ZMYND11: variants seen among roughly 807,000 people sequenced by gnomAD.
ZMYND11 encodes zinc finger MYND domain-containing protein 11.
In ZMYND11, 9 loss-of-function variants were observed where a neutral mutation model predicts 84.9. That is an observed-to-expected ratio of 0.11 (90% CI 0.06 to 0.18). The LOEUF is 0.18. Among genes scored for constraint, ZMYND11 ranks in the 10% least tolerant of loss-of-function variants. The pLI is 1.00. For missense variants in ZMYND11, 409 were observed against 761.0 expected (o/e 0.54, Z 5.44); for synonymous variants, 250 against 244.1 (o/e 1.02, Z -0.23).
At chr10:137,115 C>G (rs1241075473) in intron 1 of ZMYND11, among the ~76,000 whole-genome samples, 1 of 152,118 alleles carries the variant, frequency 6.6e-6, no homozygotes, top group African/African-American at 2.4e-5. Context: ...CATGCATGCA[C>G]TATCCTTGTC....
intron 4 of ZMYND11, among the ~76,000 whole-genome samples, chr10:236,328 G>C (rs988695526): frequency 1.3e-5 from 2 of 152,234 alleles, no homozygotes; most frequent in African/African-American, 4.8e-5. Flanking sequence ...AAGAGTTGGA[G>C]TTATTACTGA....
chr10:202,590 G>T (rs1241038240), intron 2 of ZMYND11, among the ~76,000 whole-genome samples: 1 of 151,992 alleles, frequency 6.6e-6, no homozygotes, highest in Non-Finnish European at 1.5e-5. Context: ...ATCAGTATAG[G>T]AGGAAGCACT....
intron 2 of ZMYND11, among the ~76,000 whole-genome samples, chr10:189,197 A>G (rs1273474987): frequency 6.6e-6 from 1 of 152,234 alleles, no homozygotes; most frequent in African/African-American, 2.4e-5. Flanking sequence ...TCCTGTCGCT[A>G]CAGATATACA....
intron 6 of ZMYND11, among the ~76,000 whole-genome samples, chr10:238,921 C>G (rs7905732): frequency 0.93 from 141,132 of 152,246 alleles, 65,799 homozygotes; most frequent in Non-Finnish European, 0.98. Flanking sequence ...TTGTCACAGA[C>G]AGGGACACCT....
In ZMYND11 at chr10:228,143, G is replaced by C. The variant is rs529473987; in HGVS notation, c.438+6787G>C. On this transcript the variant is annotated intron_variant, in intron 4 of 14. Transcript: ENST00000381604. Reference sequence around the variant, plus strand: ...TAAAGCCAGAGGATTTTAAAAATTGGATCTACAATATAAAACTATAAAATC... The same window carrying C: ...TAAAGCCAGAGGATTTTAAAAATTGCATCTACAATATAAAACTATAAAATC... 5.3e-5 allele frequency among the ~76,000 whole-genome samples: 8 copies of C among 152,150 alleles called. No individual in the cohort carries two copies. The East Asian group carries it at 1.5e-3, about 29-fold the overall frequency.
At chr10:219,525 C>G (rs1946760067) in intron 3 of ZMYND11, among the ~76,000 whole-genome samples, 1 of 152,086 alleles carries the variant, frequency 6.6e-6, no homozygotes, top group Non-Finnish European at 1.5e-5. Flanking sequence ...CCACCAAAAC[C>G]TAATTTGTCA....
chr10:240,451 C>A (rs1468722088), intron 8 of ZMYND11, among the ~76,000 whole-genome samples: 1 of 152,178 alleles, frequency 6.6e-6, no homozygotes, highest in Non-Finnish European at 1.5e-5. Flanking sequence ...TTGCAGTGAG[C>A]CAAGATTGCG....
chr10:244,096 TTTTTCCTGGATACA>T lies in ZMYND11; in HGVS notation c.950+1958_950+1971del, dbSNP rs151038208. Reference sequence around the variant, plus strand: ...AACTCACTGTGTAAAATCATTTTCCTTTTTCCTGGATACAATGTGAACAATTTGAAGTGAAGGAC... The same window carrying T: ...AACTCACTGTGTAAAATCATTTTCCTATGTGAACAATTTGAAGTGAAGGAC... On this transcript the variant is annotated intron_variant, in intron 10 of 14. Coordinates refer to ENST00000381604, the MANE Select transcript of ZMYND11 (RefSeq NM_001370100.5). 5.9e-3 allele frequency among the ~76,000 whole-genome samples: 906 copies of T among 152,308 alleles called. 9 individuals are homozygous for T. Among genetic ancestry groups the T allele is most frequent in the African/African-American group, 0.021 (875 of 41,560 alleles).
At chr10:211,227 A>G (rs935381900) in intron 3 of ZMYND11, among the ~76,000 whole-genome samples, 19 of 151,922 alleles carry the variant, frequency 1.3e-4, no homozygotes, top group Admixed American at 6.6e-4. Context: ...ATCTATAGAT[A>G]TCTTTTTCTT....
chr10:231,485 A>G (rs530006393), intron 4 of ZMYND11, among the ~76,000 whole-genome samples: 1 of 152,362 alleles, frequency 6.6e-6, no homozygotes, highest in South Asian at 2.1e-4. Context: ...ATAGGTTTCT[A>G]TGACTGAAAA....
chr10:148,956 G>T (rs1166660680), intron 1 of ZMYND11, among the ~76,000 whole-genome samples: 5 of 152,094 alleles, frequency 3.3e-5, no homozygotes, highest in Admixed American at 1.3e-4. Context: ...ATACATTCAA[G>T]AATTATATTA....
chr10:159,360 G>A (rs1399727406), intron 1 of ZMYND11, among the ~76,000 whole-genome samples: 1 of 152,084 alleles, frequency 6.6e-6, no homozygotes, highest in Non-Finnish European at 1.5e-5. Flanking sequence ...CCCACCAGTA[G>A]CGTATGAGAA....
chr10:179,957 CTGTT>C (rs1364365163), intron 1 of ZMYND11, 33 bp from the exon 2 acceptor site: 1 of 1,258,856 alleles, frequency 7.9e-7, no homozygotes, highest in Non-Finnish European at 1.1e-6. Context: ...ATTTTGTAAT[CTGTT>C]TTTTTCCCTT....
At chr10:175,564 C>G (rs973842709) in intron 1 of ZMYND11, among the ~76,000 whole-genome samples, 2 of 151,760 alleles carry the variant, frequency 1.3e-5, no homozygotes, top group Non-Finnish European at 2.9e-5. Flanking sequence ...AGCGAAACTC[C>G]GCCTCAAAAA....
intron 4 of ZMYND11, among the ~76,000 whole-genome samples, chr10:233,117 T>G (rs1008749864): frequency 3.9e-5 from 6 of 152,176 alleles, no homozygotes; most frequent in African/African-American, 4.8e-5. Context: ...CAGAAACCCC[T>G]GGGGGCTTTT....
intron 1 of ZMYND11, among the ~76,000 whole-genome samples, chr10:154,021 T>C (rs192998975): frequency 2.6e-4 from 40 of 152,178 alleles, no homozygotes; most frequent in African/African-American, 6.5e-4. Context: ...CATGAATTTC[T>C]TTGGCTTTCA....
chr10:225,835 C>G (rs1160203109), intron 4 of ZMYND11, among the ~76,000 whole-genome samples: 1 of 152,194 alleles, frequency 6.6e-6, no homozygotes, highest in East Asian at 1.9e-4. Context: ...GCAAGGCAGT[C>G]TGTCATAAGA....
At chr10:247,031 T>A in intron 11 of ZMYND11, 58 bp downstream of exon 11, 1 of 1,458,420 alleles carries the variant, frequency 6.9e-7, no homozygotes, top group Non-Finnish European at 9.4e-7. Context: ...TGCAGAAATC[T>A]TAGTGCACAC....
intron 3 of ZMYND11, among the ~76,000 whole-genome samples, chr10:219,172 A>G (rs1002321274): frequency 6.6e-6 from 1 of 152,212 alleles, no homozygotes; most frequent in Non-Finnish European, 1.5e-5. Flanking sequence ...ATCCATTTTT[A>G]TCTTCATTTA....
Sources: allele counts gnomAD v4.1 joint callset (sites outside exome capture counted in the v4.1 genomes callset), GRCh38; gene constraint gnomAD v4.1.1; transcripts MANE v1.5; gene names NCBI Gene and HGNC (gene_info 2026-07-23, HGNC 2026-07-21).